The following TMEM260 variants were observed in gnomAD, a reference collection of about 807,000 sequenced individuals.
The protein encoded by TMEM260 is protein O-mannosyl-transferase TMEM260.
In TMEM260, 82 loss-of-function variants were observed where a neutral mutation model predicts 88.9. The observed-to-expected ratio is 0.92, with a 90% CI of 0.77 to 1.11. The LOEUF (loss-of-function observed/expected upper bound fraction) is 1.11, where lower values mean the gene tolerates loss of function less well. Among genes scored for constraint, TMEM260 ranks in the 50% least tolerant of loss-of-function variants. The probability of loss-of-function intolerance (pLI) is 0.00; values close to 1 mark genes in which losing one functional copy is unlikely to be tolerated. For missense variants in TMEM260, 902 were observed against 853.4 expected (o/e 1.06, Z -0.71); for synonymous variants, 314 against 309.3 (o/e 1.02, Z -0.16).
At chr14:56,622,476 A>T (rs148202944) in intron 11 of TMEM260, among the ~76,000 whole-genome samples, 1 of 152,266 alleles carries the variant, frequency 6.6e-6, no homozygotes, top group East Asian at 1.9e-4. Context: ...TAGGTAAGTA[A>T]ACATTTCACT....
At chr14:56,579,637 C>T (rs1476788263), upstream of TMEM260, 5 of 360,618 alleles carry the variant, frequency 1.4e-5, no homozygotes, top group Non-Finnish European at 2.0e-5. Flanking sequence ...AAAGGGAATG[C>T]TCTCCTGGTG....
Position 56,621,727 on chromosome 14 carries a change from G to T in TMEM260, c.1398+25G>T, listed in dbSNP as rs763492309. 3.8e-6 allele frequency: 6 copies of T among 1,558,732 alleles called. No individual in the cohort carries two copies. The African/African-American group carries it at 8.3e-5, about 21-fold the overall frequency. ...AGTAAGTATATGAAAAATATACTTA[G>T]AATATAGCGATGATTTAAAAACATA... On this transcript the variant is annotated intron_variant, in intron 11 of 15. Transcript: ENST00000261556.
the TMEM260 span, among the ~76,000 whole-genome samples, chr14:56,658,483 G>A: frequency 2.6e-5 from 4 of 151,578 alleles, no homozygotes; most frequent in African/African-American, 7.3e-5. Context: ...CTGACCACTC[G>A]CCTCAGCCTC....
chr14:56,605,497 A>G lies in TMEM260; in HGVS notation c.523-73A>G, dbSNP rs1055912231. On this transcript the variant is annotated intron_variant, in intron 4 of 15. Coordinates refer to ENST00000261556, the MANE Select transcript of TMEM260 (RefSeq NM_017799.4). ...TACGAATGCTTGGTTTTAATATAAA[A>G]ATGGCTTTTTATTATGTTCTTAGAG... 40 of 742,172 alleles carry G rather than the reference A, an allele frequency of 5.4e-5. No homozygotes were observed. In the African/African-American group the frequency reaches 7.0e-4, roughly 13 times the overall value. The allele number at this position is 742,172 out of a possible 1,614,324, so 46.0% of individuals were successfully genotyped here. A position where few individuals can be genotyped will look rare whatever the true frequency, so the allele number is the denominator to read the frequency against.
intron 6 of TMEM260, among the ~76,000 whole-genome samples, chr14:56,610,967 CTTTT>C (rs61185871): frequency 3.4e-5 from 4 of 118,014 alleles, no homozygotes; most frequent in East Asian, 3.3e-4. Context: ...TTCTTTCTTT[CTTTT>C]TTTTTTTTTT....
rs138103383 is a variant in TMEM260 at position 56,603,908 on chromosome 14, T to C, written c.438T>C (p.Phe146=). The change falls in exon 4 of 16, where the codon TTT becomes TTC. Residue 146 remains phenylalanine, a synonymous_variant. Transcript: ENST00000261556. ...TWQWSIAAEV[F]SLNNLFVGLL... The stretch of plus-strand genomic sequence containing the variant: ...AGTGGTCCATTGCAGCAGAGGTTTT[T>C]AGCTTAAACAATCTCTTTGTGGGGC... 6 of 1,613,604 alleles carry C rather than the reference T, an allele frequency of 3.7e-6. No homozygotes were observed. Among genetic ancestry groups the C allele is most frequent in the Non-Finnish European group, 4.2e-6 (5 of 1,179,834 alleles).
At position 56,585,784 on chromosome 14, in the gene TMEM260, T is replaced by C; in HGVS notation, c.216T>C (p.Pro72=). ...ELGVAHPPGY[P]LFTLVAKLAI... ...AGGTTGCCCATCCTCCTGGCTATCCTTTGTTCACGCTGGTGGCTAAACTGG... is the reference window on the plus strand; with the variant it reads ...AGGTTGCCCATCCTCCTGGCTATCCCTTGTTCACGCTGGTGGCTAAACTGG... Residue 72 remains proline, a synonymous_variant, in exon 3 of 16, where the codon CCT becomes CCC. Transcript: ENST00000261556. 6.2e-7 allele frequency: 1 copy of C among 1,613,088 alleles called. No homozygotes were observed. Among genetic ancestry groups the C allele is most frequent in the Non-Finnish European group, 8.5e-7 (1 of 1,179,522 alleles).
rs772695806 is a variant in TMEM260, at chr14:56,632,966, T to C, written c.1548-29T>C. 4 of 1,581,948 alleles carry C rather than the reference T, an allele frequency of 2.5e-6. No individual in the cohort carries two copies. The Admixed American group carries it at 6.9e-5, about 27-fold the overall frequency. Reference sequence around the variant, plus strand: ...AACATTTAAAACTTTAAATTTTAAGTACATCATGTATTTTTCTGTTTCCAA... The same window carrying C: ...AACATTTAAAACTTTAAATTTTAAGCACATCATGTATTTTTCTGTTTCCAA... On this transcript the variant is annotated intron_variant, in intron 12 of 15. Coordinates refer to ENST00000261556, the MANE Select transcript of TMEM260 (RefSeq NM_017799.4).
At position 56,647,261 on chromosome 14, in the gene TMEM260, T is replaced by G; in HGVS notation, c.1888T>G (p.Tyr630Asp). The G allele has an allele frequency of 6.2e-7, 1 of 1,613,348 alleles. No individual in the cohort carries two copies. The highest frequency in any genetic ancestry group is 8.5e-7 in the Non-Finnish European group (1 of 1,179,728). ...QAYDLYKEIV[Y>D]LQKEHPVNWH... is the part of the protein sequence containing the mutation. ...TTTCTAGCTTTATAAGGAGATTGTC[T>G]ATTTACAAAAGGAGCACCCAGTGAA... The change falls in exon 16 of 16, where the codon TAT (tyrosine) becomes GAT (aspartate). Residue 630 changes from tyrosine (Y) to aspartate (D), a missense_variant. Coordinates refer to ENST00000261556, the MANE Select transcript of TMEM260 (RefSeq NM_017799.4).
downstream of TMEM260, among the ~76,000 whole-genome samples, chr14:56,655,030 C>G (rs1890276316): frequency 6.6e-6 from 1 of 152,064 alleles, no homozygotes; most frequent in Non-Finnish European, 1.5e-5. Flanking sequence ...TTATAACAAT[C>G]TTGGTGACAT....
At chr14:56,603,755 G>A in intron 3 of TMEM260, 60 bp from the exon 4 acceptor site, 1 of 1,597,548 alleles carries the variant, frequency 6.3e-7, no homozygotes, top group Non-Finnish European at 8.6e-7. Flanking sequence ...TTTACCAAAA[G>A]GAAAATAAAG....
At chr14:56,619,834 A>G (rs960286406) in intron 10 of TMEM260, among the ~76,000 whole-genome samples, 10 of 152,230 alleles carry the variant, frequency 6.6e-5, no homozygotes, top group African/African-American at 2.4e-4. Context: ...AGACACATGC[A>G]TGCGAATGTT....
intron 1 of TMEM260, among the ~76,000 whole-genome samples, chr14:56,583,990 T>TTGTGTGTGTGTGTGTGTGTGTGTGTGTG (rs10594077): frequency 2.7e-5 from 4 of 145,944 alleles, no homozygotes; most frequent in African/African-American, 7.6e-5. Context: ...ATCCAGCCTT[T>TTGTGTGTGTGTGTGTGTGTGTGTGTGTG]TGTGTGTGTG....
At position 56,636,665 on chromosome 14, in the gene TMEM260, T is replaced by TGGATAGAGG. The variant is rs1381573339; in HGVS notation, c.1869+69_1869+77dup. The TGGATAGAGG allele has an allele frequency of 2.2e-6, 3 of 1,349,364 alleles. No individual in the cohort carries two copies. In the Admixed American group the frequency reaches 5.1e-5, roughly 23 times the overall value. The allele number at this position is 1,349,364 out of a possible 1,614,324, so 83.6% of individuals were successfully genotyped here. A position where few individuals can be genotyped will look rare whatever the true frequency, so the allele number is the denominator to read the frequency against. ...GGAAGGTGATGGTGATTGTTCAGAA[T>TGGATAGAGG]GGATAGAGGGTATATCACATTAGAA... On this transcript the variant is annotated intron_variant, in intron 15 of 15. Transcript: ENST00000261556.
chr14:56,594,866 T>G (rs1886108250), intron 3 of TMEM260, among the ~76,000 whole-genome samples: 1 of 152,222 alleles, frequency 6.6e-6, no homozygotes, highest in Non-Finnish European at 1.5e-5. Context: ...CATATATAAC[T>G]CTGCCAAAAA....
chr14:56,597,147 A>G (rs1886298831), intron 3 of TMEM260, among the ~76,000 whole-genome samples: 1 of 152,222 alleles, frequency 6.6e-6, no homozygotes, highest in African/African-American at 2.4e-5. Context: ...AGCAAAGTGA[A>G]GGCAAAACAG....
At chr14:56,635,967 A>G (rs1034670421) in intron 14 of TMEM260, among the ~76,000 whole-genome samples, 3 of 152,226 alleles carry the variant, frequency 2.0e-5, no homozygotes, top group African/African-American at 7.2e-5. Flanking sequence ...GATCAAAGAT[A>G]TACCATATGT....
the TMEM260 span, among the ~76,000 whole-genome samples, chr14:56,662,237 C>A: frequency 3.9e-5 from 6 of 152,216 alleles, no homozygotes; most frequent in Non-Finnish European, 7.3e-5. Context: ...CAAACAACTA[C>A]TCCCGTGGTA....
intron 1 of TMEM260, among the ~76,000 whole-genome samples, chr14:56,582,609 G>T (rs747103603): frequency 2.0e-5 from 3 of 152,162 alleles, no homozygotes; most frequent in Non-Finnish European, 4.4e-5. Context: ...GGAAACTTGA[G>T]CCCCCAGTGC....
Sources: gnomAD v4.1 joint callset for allele counts (sites outside exome capture counted in the v4.1 genomes callset) on GRCh38, gnomAD v4.1.1 for gene constraint, MANE v1.5 for transcripts, NCBI Gene and HGNC (gene_info 2026-07-23, HGNC 2026-07-21) for gene names.